Variants in PIGB observed in about 807,000 individuals in gnomAD.
The protein encoded by PIGB is phosphatidylinositol glycan anchor biosynthesis class B.
A neutral mutation model predicts 68.4 loss-of-function variants in PIGB; 58 were observed. The observed-to-expected ratio is 0.85, with a 90% CI of 0.69 to 1.06. The LOEUF (loss-of-function observed/expected upper bound fraction) is 1.06, where lower values mean the gene tolerates loss of function less well. PIGB is among the 50% of genes least tolerant of loss of function. PIGB has a pLI of 0.00. For missense variants in PIGB, 634 were observed against 655.8 expected (o/e 0.97, Z 0.36); for synonymous variants, 219 against 220.5 (o/e 0.99, Z 0.06).
intron 5 of PIGB, among the ~76,000 whole-genome samples, chr15:55,331,435 C>T (rs1010112032): frequency 4.6e-5 from 7 of 152,078 alleles, no homozygotes; most frequent in South Asian, 2.1e-4. Flanking sequence ...AACTATTGGC[C>T]GGGTGTGGTG....
chr15:55,336,324 G>A (rs2055535416), intron 6 of PIGB, among the ~76,000 whole-genome samples: 1 of 152,154 alleles, frequency 6.6e-6, no homozygotes, highest in Admixed American at 6.6e-5. Flanking sequence ...AGGAGTTCAA[G>A]GTTGCAGTGA....
chr15:55,334,736 T>C (rs938164317), intron 6 of PIGB, among the ~76,000 whole-genome samples: 4 of 152,262 alleles, frequency 2.6e-5, no homozygotes, highest in African/African-American at 9.6e-5. Context: ...ATTTTTTTAT[T>C]TGAGACGGAG....
chr15:55,328,923 C>G (rs1390631629), intron 4 of PIGB, among the ~76,000 whole-genome samples: 1 of 152,054 alleles, frequency 6.6e-6, no homozygotes, highest in African/African-American at 2.4e-5. Flanking sequence ...GCACTCTAAC[C>G]TGGGTGACAG....
chr15:55,348,287 G>A (rs942107214), intron 9 of PIGB: 1 of 152,172 alleles, frequency 6.6e-6, no homozygotes, highest in Admixed American at 6.6e-5. Flanking sequence ...CCCCGGCCTT[G>A]AATGAACAAA....
At chr15:55,345,180 A>T (rs2141208470) in intron 9 of PIGB, among the ~76,000 whole-genome samples, 1 of 151,900 alleles carries the variant, frequency 6.6e-6, no homozygotes, top group South Asian at 2.1e-4. Context: ...ATGAGGCACC[A>T]CAGCTGGCCC....
intron 10 of PIGB, among the ~76,000 whole-genome samples, chr15:55,354,009 A>C (rs1054477068): frequency 1.3e-5 from 2 of 152,022 alleles, no homozygotes; most frequent in Admixed American, 1.3e-4. Context: ...AAAAAAAAAA[A>C]ACACTTCAAA....
At chr15:55,339,136 A>G (rs1351916534) in intron 6 of PIGB, 131 bp from the exon 7 acceptor site, 4 of 666,370 alleles carry the variant, frequency 6.0e-6, no homozygotes, top group East Asian at 2.8e-5. Flanking sequence ...GTGTAAATCT[A>G]TATTCAGTTG....
chr15:55,344,204 C>G (rs1389416951), intron 9 of PIGB, among the ~76,000 whole-genome samples: 1 of 152,244 alleles, frequency 6.6e-6, no homozygotes, highest in Non-Finnish European at 1.5e-5. Flanking sequence ...CTGGGCAGTT[C>G]TCATCTCCAC....
At position 55,354,832 on chromosome 15, in the gene PIGB, C is replaced by T; in HGVS notation, c.1372C>T (p.Gln458Ter). 6.2e-7 allele frequency: 1 copy of T among 1,612,658 alleles called. No individual in the cohort carries two copies. Among genetic ancestry groups the T allele is most frequent in the Non-Finnish European group, 8.5e-7 (1 of 1,179,486 alleles). Residue 458 changes from glutamine to a stop codon, truncating the protein, a stop_gained, in exon 11 of 12, where the codon CAG (glutamine) becomes TAG (stop). Coordinates refer to ENST00000164305, the MANE Select transcript of PIGB (RefSeq NM_004855.5). LOFTEE classifies it high-confidence loss of function. Reference protein sequence around the residue: ...VHCPLPMRFLQCPPDLTGKSH... With the variant: ...VHCPLPMRFL ...CTGCCCACTTCCCATGAGATTTCTC[C>T]AGTGCCCGCCAGACCTGACTGGAAA...
intron 4 of PIGB, among the ~76,000 whole-genome samples, chr15:55,329,101 G>C (rs953776849): frequency 1.1e-4 from 17 of 152,200 alleles, no homozygotes; most frequent in Non-Finnish European, 2.9e-5. Context: ...CAACTAACAA[G>C]TTTCTTTTAA....
intron 8 of PIGB, among the ~76,000 whole-genome samples, chr15:55,341,358 C>G (rs2055666488): frequency 6.6e-6 from 1 of 152,196 alleles, no homozygotes; most frequent in Non-Finnish European, 1.5e-5. Flanking sequence ...AAGACCCTGT[C>G]TCAGTCAATC....
intron 10 of PIGB, among the ~76,000 whole-genome samples, chr15:55,354,282 T>G (rs2056013478): frequency 6.6e-6 from 1 of 151,796 alleles, no homozygotes; most frequent in Admixed American, 6.6e-5. Context: ...CACTCCAGCC[T>G]GGGTGACGAG....
At chr15:55,345,654 G>A (rs984112664) in intron 9 of PIGB, among the ~76,000 whole-genome samples, 1 of 152,176 alleles carries the variant, frequency 6.6e-6, no homozygotes, top group African/African-American at 2.4e-5. Flanking sequence ...AGCTACTTGG[G>A]AGGCTGAGAC....
At chr15:55,353,375 A>G (rs1419121047) in intron 10 of PIGB, among the ~76,000 whole-genome samples, 3 of 152,234 alleles carry the variant, frequency 2.0e-5, no homozygotes, top group Non-Finnish European at 1.5e-5. Flanking sequence ...TTCATTTCCA[A>G]TAAATAAATC....
chr15:55,354,385 T>C (rs2056018786), intron 10 of PIGB, among the ~76,000 whole-genome samples: 1 of 152,110 alleles, frequency 6.6e-6, no homozygotes, highest in South Asian at 2.1e-4. Flanking sequence ...GAAAGAATCC[T>C]TTCTGATTAT....
intron 6 of PIGB, among the ~76,000 whole-genome samples, chr15:55,336,226 T>C (rs1241707679): frequency 1.3e-5 from 2 of 151,830 alleles, no homozygotes; most frequent in African/African-American, 4.8e-5. Context: ...AACAAAAAAA[T>C]TTAAAAATTG....
chr15:55,339,345 G>T, intron 7 of PIGB, 27 bp downstream of exon 7: 1 of 1,406,910 alleles, frequency 7.1e-7, no homozygotes, highest in Non-Finnish European at 9.8e-7. Context: ...TAAGCTAACA[G>T]CTATTTTTAT....
At chr15:55,323,240 C>T (rs1476755713) in intron 3 of PIGB, among the ~76,000 whole-genome samples, 3 of 152,114 alleles carry the variant, frequency 2.0e-5, no homozygotes, top group Non-Finnish European at 2.9e-5. Context: ...AAGGTCACAA[C>T]GTGTTAAAAG....
chr15:55,329,927 A>G (rs1335246191), intron 5 of PIGB, 73 bp downstream of exon 5: 1 of 1,111,588 alleles, frequency 9.0e-7, no homozygotes, highest in African/African-American at 1.6e-5. Context: ...AACATATTGT[A>G]ATGTCTAGTA....
Sources: gnomAD v4.1 joint callset for allele counts (sites outside exome capture counted in the v4.1 genomes callset) on GRCh38, gnomAD v4.1.1 for gene constraint, MANE v1.5 for transcripts, NCBI Gene and HGNC (gene_info 2026-07-23, HGNC 2026-07-21) for gene names.